CLEC2A: variants seen among roughly 807,000 people sequenced by gnomAD.
CLEC2A encodes the protein C-type lectin domain family 2 member A, also known as keratinocyte-associated C-type lectin.
CLEC2A carries 19 observed loss-of-function variants against 18.6 expected under a neutral mutation model. The ratio of observed to expected loss-of-function variants is 1.02; its 90% CI spans 0.71 to 1.50. The LOEUF is 1.50. CLEC2A is among the 40% of genes most tolerant of loss of function. The pLI is 0.00. For missense variants in CLEC2A, 190 were observed against 207.9 expected, an observed-to-expected ratio of 0.91 and a Z score of 0.53; for synonymous variants, 74 against 64.0, an observed-to-expected ratio of 1.16 and a Z score of -0.75.
intron 4 of CLEC2A, among the ~76,000 whole-genome samples, chr12:9,900,530 CT>C (rs546307083): frequency 1.5e-3 from 227 of 152,256 alleles, no homozygotes; most frequent in African/African-American, 5.3e-3. Flanking sequence ...TCTACATAGG[CT>C]TTTTGGGTTG....
At chr12:9,924,152 C>T (rs1411182675) in intron 2 of CLEC2A, among the ~76,000 whole-genome samples, 1 of 151,944 alleles carries the variant, frequency 6.6e-6, no homozygotes, top group East Asian at 1.9e-4. Flanking sequence ...ATAATAATCG[C>T]CATACTGACT....
At chr12:9,897,250 A>T (rs1157606935), downstream of CLEC2A, among the ~76,000 whole-genome samples, 1 of 152,090 alleles carries the variant, frequency 6.6e-6, no homozygotes, top group Admixed American at 6.5e-5. Flanking sequence ...ACCTTGCGTA[A>T]ATGAAACTTT....
the CLEC2A span, among the ~76,000 whole-genome samples, chr12:9,880,683 A>G: frequency 1.3e-5 from 2 of 152,188 alleles, no homozygotes; most frequent in African/African-American, 4.8e-5. Flanking sequence ...CTGTAGAATC[A>G]GGAGGAGCTA....
chr12:9,907,394 T>A (rs2137023348), intron 4 of CLEC2A, among the ~76,000 whole-genome samples: 1 of 152,330 alleles, frequency 6.6e-6, no homozygotes, highest in African/African-American at 2.4e-5. Context: ...TATGAATGAA[T>A]CCATAAGCAG....
chr12:9,928,998 G>C (rs563670125), intron 1 of CLEC2A, among the ~76,000 whole-genome samples: 1 of 151,946 alleles, frequency 6.6e-6, no homozygotes, highest in Non-Finnish European at 1.5e-5. Flanking sequence ...ATTTGCAATA[G>C]ATTGGAAGTC....
At chr12:9,898,868 T>C (rs756089868) in exon 5 of CLEC2A, 2 of 708,530 alleles carry the variant, frequency 2.8e-6, no homozygotes, top group Middle Eastern at 2.3e-4. Context: ...GGGGACATTG[T>C]TTTGGGGAAA....
chr12:9,888,262 G>A, the CLEC2A span, among the ~76,000 whole-genome samples: 9 of 151,658 alleles, frequency 5.9e-5, no homozygotes, highest in Non-Finnish European at 1.3e-4. Context: ...AAGCCGAGGC[G>A]GGCGGATCAC....
At chr12:9,916,441 C>T (rs1863072187) in intron 4 of CLEC2A, among the ~76,000 whole-genome samples, 1 of 151,862 alleles carries the variant, frequency 6.6e-6, no homozygotes, top group African/African-American at 2.4e-5. Flanking sequence ...CAAGCAAGAG[C>T]TTGATAATAA....
downstream of CLEC2A, among the ~76,000 whole-genome samples, chr12:9,895,534 A>C (rs1462491502): frequency 6.6e-6 from 1 of 152,232 alleles, no homozygotes; most frequent in African/African-American, 2.4e-5. Context: ...GAAAGAGGAG[A>C]AGAGGCTGCA....
chr12:9,906,346 A>C (rs1476371669), intron 4 of CLEC2A, among the ~76,000 whole-genome samples: 1 of 152,226 alleles, frequency 6.6e-6, no homozygotes, highest in Non-Finnish European at 1.5e-5. Context: ...AGGAAATAGC[A>C]GCCTGTTTGG....
intron 1 of CLEC2A, 75 bp downstream of exon 1, chr12:9,932,200 T>A: frequency 9.5e-7 from 1 of 1,050,178 alleles, no homozygotes; most frequent in Non-Finnish European, 1.4e-6. Context: ...AAGTAAAGAG[T>A]CCATATTTTT....
intron 4 of CLEC2A, among the ~76,000 whole-genome samples, chr12:9,899,361 A>G (rs1220638814): frequency 6.6e-6 from 1 of 152,200 alleles, no homozygotes; most frequent in Non-Finnish European, 1.5e-5. Context: ...TGGAGACACA[A>G]TTACCTGACT....
chr12:9,913,399 T>G lies in CLEC2A; in HGVS notation c.*167A>C. 7.9e-7 allele frequency: 1 copy of G among 1,258,704 alleles called. No homozygotes were observed. The highest frequency in any genetic ancestry group is 1.0e-6 in the Non-Finnish European group (1 of 952,596). The allele number at this position is 1,258,704 out of a possible 1,614,324, so 78.0% of individuals were successfully genotyped here. A position where few individuals can be genotyped will look rare whatever the true frequency, so the allele number is the denominator to read the frequency against. ...AGGCTCCAGAGAACGGCCTTGTCTC[T>G]TTAACCATGGCAGGGCACAGCAAGA... On this transcript the variant is annotated 3_prime_UTR_variant, in exon 5 of 5. Coordinates refer to ENST00000455827, the MANE Select transcript of CLEC2A (RefSeq NM_001130711.2).
At chr12:9,885,539 A>C in the CLEC2A span, among the ~76,000 whole-genome samples, 1 of 151,850 alleles carries the variant, frequency 6.6e-6, no homozygotes, top group Non-Finnish European at 1.5e-5. Context: ...ATGACAGGAA[A>C]TAGATTTTGG....
At chr12:9,927,121 T>G (rs1464140583) in intron 1 of CLEC2A, among the ~76,000 whole-genome samples, 1 of 152,130 alleles carries the variant, frequency 6.6e-6, no homozygotes, top group Non-Finnish European at 1.5e-5. Context: ...ATTGTGTCAT[T>G]GTTGGAACAT....
intron 1 of CLEC2A, among the ~76,000 whole-genome samples, chr12:9,930,403 A>G (rs1356626451): frequency 6.6e-6 from 1 of 152,064 alleles, no homozygotes; most frequent in Non-Finnish European, 1.5e-5. Flanking sequence ...TTAAATTTTA[A>G]TATTTGTGGT....
chr12:9,886,149 T>C, the CLEC2A span, among the ~76,000 whole-genome samples: 4 of 152,190 alleles, frequency 2.6e-5, no homozygotes, highest in Non-Finnish European at 4.4e-5. Context: ...GATGAATTAC[T>C]AGTAGTAAAA....
At chr12:9,897,761 G>A (rs1165759517), downstream of CLEC2A, among the ~76,000 whole-genome samples, 4 of 152,228 alleles carry the variant, frequency 2.6e-5, no homozygotes, top group East Asian at 5.8e-4. Flanking sequence ...AAGGCCTTGG[G>A]TAGTTTCCCT....
At chr12:9,929,484 T>C (rs1281226745) in intron 1 of CLEC2A, among the ~76,000 whole-genome samples, 1 of 152,190 alleles carries the variant, frequency 6.6e-6, no homozygotes, top group African/African-American at 2.4e-5. Flanking sequence ...CAGATAGACA[T>C]TGAATGTTAT....
Sources: gnomAD v4.1 joint callset for allele counts (sites outside exome capture counted in the v4.1 genomes callset) on GRCh38, gnomAD v4.1.1 for gene constraint, MANE v1.5 for transcripts, NCBI Gene and HGNC (gene_info 2026-07-23, HGNC 2026-07-21) for gene names.